The following PLPPR5 variants were observed in gnomAD, a reference collection of about 807,000 sequenced individuals.
PLPPR5 encodes phospholipid phosphatase related 5.
PLPPR5 carries 16 observed loss-of-function variants against 33.9 expected under a neutral mutation model. That is an observed-to-expected ratio of 0.47 (90% CI 0.32 to 0.72). The LOEUF (loss-of-function observed/expected upper bound fraction) is 0.72. Among genes scored for constraint, PLPPR5 ranks in the 30% least tolerant of loss-of-function variants. The pLI is 0.03. For synonymous variants in PLPPR5, 163 were observed against 150.3 expected, an observed-to-expected ratio of 1.08 and a Z score of -0.62; for missense variants, 301 against 406.7, an observed-to-expected ratio of 0.74 and a Z score of 2.23.
intron 4 of PLPPR5, among the ~76,000 whole-genome samples, chr1:98,915,436 T>C (rs1649309154): frequency 6.6e-6 from 1 of 152,164 alleles, no homozygotes; most frequent in African/African-American, 2.4e-5. Context: ...CCATATACAC[T>C]TGGCAATCCA....
At chr1:98,894,426 T>C (rs1648395818) in intron 5 of PLPPR5, among the ~76,000 whole-genome samples, 1 of 152,094 alleles carries the variant, frequency 6.6e-6, no homozygotes. Flanking sequence ...ATCACAGTTT[T>C]ATTTCCAGTG....
At chr1:98,916,987 T>C (rs2101155372) in intron 4 of PLPPR5, among the ~76,000 whole-genome samples, 1 of 152,186 alleles carries the variant, frequency 6.6e-6, no homozygotes, top group East Asian at 1.9e-4. Flanking sequence ...AACGAAGAGG[T>C]TGCAATAGAT....
At chr1:98,918,954 A>G (rs780191829) in intron 4 of PLPPR5, among the ~76,000 whole-genome samples, 63 of 152,358 alleles carry the variant, frequency 4.1e-4, no homozygotes, top group Middle Eastern at 3.4e-3. Context: ...AAAGAAAAAG[A>G]CTTCACAGGG....
At position 98,953,275 on chromosome 1, in the gene PLPPR5, G is replaced by A; in HGVS notation, c.416C>T (p.Ala139Val). ...CAGATTTCCTGTGACTACTTGTCCAGCATTTACAAAGATATCTGTAGCAAA... is the reference window on the plus strand; with the variant it reads ...CAGATTTCCTGTGACTACTTGTCCAACATTTACAAAGATATCTGTAGCAAA... Reference protein sequence around the residue: ...GLFATDIFVNAGQVVTGNLAP... With the variant: ...GLFATDIFVNVGQVVTGNLAP... Residue 139 changes from alanine (A) to valine (V), a missense_variant, in exon 3 of 6, where the codon GCT becomes GTT. By Grantham distance (64) the Ala-to-Val change is moderately conservative. Transcript: ENST00000263177. 6.2e-7 allele frequency: 1 copy of A among 1,613,538 alleles called. No homozygotes were observed. Among genetic ancestry groups the A allele is most frequent in the South Asian group, 1.1e-5 (1 of 91,078 alleles).
At chr1:98,959,918 G>C (rs1257777361) in intron 1 of PLPPR5, among the ~76,000 whole-genome samples, 26 of 152,100 alleles carry the variant, frequency 1.7e-4, no homozygotes, top group Admixed American at 1.6e-3. Context: ...ATCACATCTT[G>C]CTGGACCCTC....
chr1:98,998,035 C>G (rs1222807694), intron 1 of PLPPR5, among the ~76,000 whole-genome samples: 1 of 151,922 alleles, frequency 6.6e-6, no homozygotes, highest in Non-Finnish European at 1.5e-5. Flanking sequence ...TTTGCTTTTC[C>G]CTCAGCATCA....
rs1189656405 is a variant in PLPPR5 at position 99,004,688 on chromosome 1, G to T, written c.-17C>A. 2 of 1,541,318 alleles carry T rather than the reference G, an allele frequency of 1.3e-6. No homozygotes were observed. ...CAGGGGCATGCACGCCTCCCGGGCCGGGCCGAGCCGAGCCGAGCGGGCGGT... is the reference window on the plus strand; with the variant it reads ...CAGGGGCATGCACGCCTCCCGGGCCTGGCCGAGCCGAGCCGAGCGGGCGGT... On this transcript the variant is annotated 5_prime_UTR_variant, in exon 1 of 6. Transcript: ENST00000263177.
intron 1 of PLPPR5, among the ~76,000 whole-genome samples, chr1:98,994,817 C>T (rs1297362252): frequency 6.6e-6 from 1 of 151,854 alleles, no homozygotes; most frequent in Non-Finnish European, 1.5e-5. Context: ...TGACTGAATT[C>T]GCATGATGAA....
At chr1:98,917,772 G>A (rs957640832) in intron 4 of PLPPR5, among the ~76,000 whole-genome samples, 1 of 152,152 alleles carries the variant, frequency 6.6e-6, no homozygotes, top group Admixed American at 6.5e-5. Context: ...AGAGCACTTA[G>A]TATGAAATTA....
intron 1 of PLPPR5, among the ~76,000 whole-genome samples, chr1:98,982,535 T>G (rs1436181786): frequency 6.6e-6 from 1 of 152,114 alleles, no homozygotes; most frequent in African/African-American, 2.4e-5. Flanking sequence ...GCTTTTTGTT[T>G]TCTATTTCTG....
In PLPPR5 at chr1:98,977,678, C is replaced by A. The variant is rs780388526; in HGVS notation, c.238-20937G>T. 2.0e-5 allele frequency among the ~76,000 whole-genome samples: 3 copies of A among 151,222 alleles called. No individual in the cohort carries two copies. In the Admixed American group the frequency reaches 2.0e-4, roughly 10 times the overall value. ...TTCCTCATGCTGACATTTGAACATA[C>A]CTTCTTCCTGGTATGTTTTTATTCA... On this transcript the variant is annotated intron_variant, in intron 1 of 5. Coordinates refer to ENST00000263177, the MANE Select transcript of PLPPR5 (RefSeq NM_001037317.2).
At chr1:98,993,737 C>T (rs911738638) in intron 1 of PLPPR5, among the ~76,000 whole-genome samples, 2 of 151,930 alleles carry the variant, frequency 1.3e-5, no homozygotes, top group Non-Finnish European at 2.9e-5. Flanking sequence ...TCTGGAAATA[C>T]AAGATGTTTC....
At chr1:98,934,533 G>A (rs1650107205) in intron 3 of PLPPR5, among the ~76,000 whole-genome samples, 2 of 152,226 alleles carry the variant, frequency 1.3e-5, no homozygotes, top group South Asian at 4.1e-4. Context: ...CCATGTCCTG[G>A]ATAATGAGCT....
At chr1:98,960,031 T>C (rs1570735104) in intron 1 of PLPPR5, among the ~76,000 whole-genome samples, 1 of 151,966 alleles carries the variant, frequency 6.6e-6, no homozygotes, top group African/African-American at 2.4e-5. Flanking sequence ...TATGCCTAGG[T>C]GTCTGCTTTC....
At chr1:98,983,983 C>A (rs1652154288) in intron 1 of PLPPR5, among the ~76,000 whole-genome samples, 1 of 139,982 alleles carries the variant, frequency 7.1e-6, no homozygotes. Context: ...AATTTGAATT[C>A]TATTCTCTTA....
At chr1:99,004,154 C>T in intron 1 of PLPPR5, 3 of 484,394 alleles carry the variant, frequency 6.2e-6, no homozygotes, top group Non-Finnish European at 7.3e-6. Flanking sequence ...GATCCCCACT[C>T]CTCACCACCT....
chr1:98,946,537 G>C (rs1570722442), intron 3 of PLPPR5, among the ~76,000 whole-genome samples: 1 of 152,034 alleles, frequency 6.6e-6, no homozygotes, highest in East Asian at 1.9e-4. Flanking sequence ...CTTTGCCTTT[G>C]CTTCTGCTAT....
chr1:98,904,872 T>C (rs1032073048), intron 5 of PLPPR5, among the ~76,000 whole-genome samples: 25 of 152,298 alleles, frequency 1.6e-4, no homozygotes, highest in Admixed American at 1.6e-3. Context: ...GAGGGATGGT[T>C]TTCTTAGTGA....
chr1:98,964,294 C>G lies in PLPPR5; in HGVS notation c.238-7553G>C, dbSNP rs115682990. Among the ~76,000 whole-genome samples the G allele has an allele frequency of 1.3e-3, 203 of 152,274 alleles. 1 individual carries two copies. The highest frequency in any genetic ancestry group is 2.7e-3 in the Admixed American group (41 of 15,292). ...GATGAACAGTGTTAACTGAGATCGACTGAGAAGCAGCAGGGCCCCTCCTGC... is the reference window on the plus strand; with the variant it reads ...GATGAACAGTGTTAACTGAGATCGAGTGAGAAGCAGCAGGGCCCCTCCTGC... On this transcript the variant is annotated intron_variant, in intron 1 of 5. Coordinates refer to ENST00000263177, the MANE Select transcript of PLPPR5 (RefSeq NM_001037317.2).
Sources: allele counts gnomAD v4.1 joint callset (sites outside exome capture counted in the v4.1 genomes callset), GRCh38; gene constraint gnomAD v4.1.1; transcripts MANE v1.5; gene names NCBI Gene and HGNC (gene_info 2026-07-23, HGNC 2026-07-21).